LINGO2: variants seen among roughly 807,000 people sequenced by gnomAD.
LINGO2 encodes the protein leucine rich repeat and Ig domain containing 2.
Under a neutral mutation model 30.6 loss-of-function variants are expected in LINGO2, and 14 were observed. The ratio of observed to expected loss-of-function variants is 0.46; its 90% confidence interval spans 0.30 to 0.72. The LOEUF (loss-of-function observed/expected upper bound fraction) is 0.72. Ranked by LOEUF, LINGO2 falls within the 30% of genes least tolerant of loss-of-function variation. The pLI, the probability that LINGO2 is intolerant of heterozygous loss-of-function variation, is 0.07. For synonymous variants in LINGO2, 317 were observed against 288.5 expected (o/e 1.10, Z -1.00); for missense variants, 729 against 751.7 (o/e 0.97, Z 0.35).
At chr9:28,974,017 G>T in the LINGO2 span, among the ~76,000 whole-genome samples, 1 of 152,164 alleles carries the variant, frequency 6.6e-6, no homozygotes, top group Admixed American at 6.5e-5. Flanking sequence ...TGTAACTGTG[G>T]TGTGTAAACT....
chr9:28,827,207 T>C, the LINGO2 span, among the ~76,000 whole-genome samples: 1 of 152,196 alleles, frequency 6.6e-6, no homozygotes, highest in Non-Finnish European at 1.5e-5. Flanking sequence ...AAGAGTCATC[T>C]GTCCAGTTTC....
chr9:28,174,908 G>GTGTGTGTGTT lies in LINGO2; in HGVS notation c.-87+120299_-87+120300insAACACACACA, dbSNP rs1287488522. Among the ~76,000 whole-genome samples, 4 of 138,768 alleles carry GTGTGTGTGTT rather than the reference G, an allele frequency of 2.9e-5. 1 individual carries two copies. The highest frequency in any genetic ancestry group is 1.1e-4 in the African/African-American group (4 of 36,172). 91.0% of individuals were successfully genotyped at this position (138,768 alleles called of 152,430 possible). ...AGAGAATTTGTGTCTCTGTGTGTGT[G>GTGTGTGTGTT]TGTGTGTGTGTGTGAGAGAGAGAGA... On this transcript the variant is annotated intron_variant, in intron 4 of 5. Coordinates refer to ENST00000379992, the Ensembl canonical transcript of LINGO2.
the LINGO2 span, among the ~76,000 whole-genome samples, chr9:28,963,776 A>T: frequency 6.6e-6 from 1 of 151,864 alleles, no homozygotes; most frequent in African/African-American, 2.4e-5. Context: ...GGCTGGGAAG[A>T]GTGTGTGTAG....
chr9:29,059,300 C>A, the LINGO2 span, among the ~76,000 whole-genome samples: 1 of 151,322 alleles, frequency 6.6e-6, no homozygotes, highest in African/African-American at 2.4e-5. Flanking sequence ...ATAAAAAGAA[C>A]CCAACAGCAT....
the LINGO2 span, among the ~76,000 whole-genome samples, chr9:29,149,118 T>A: frequency 0.25 from 37,762 of 152,110 alleles, 4,888 homozygotes; most frequent in East Asian, 0.4. Flanking sequence ...ACAGTTCATT[T>A]AGTAAAGTTC....
intron 4 of LINGO2, among the ~76,000 whole-genome samples, chr9:28,037,900 TAC>T (rs1168227060): frequency 6.6e-6 from 1 of 152,232 alleles, no homozygotes; most frequent in Non-Finnish European, 1.5e-5. Context: ...GTAACTCATA[TAC>T]AGTGTCACCA....
intron 4 of LINGO2, among the ~76,000 whole-genome samples, chr9:28,193,303 T>G (rs1442153683): frequency 6.6e-6 from 1 of 152,162 alleles, no homozygotes; most frequent in Non-Finnish European, 1.5e-5. Context: ...CAAAGTAAGA[T>G]TCATTAGAAA....
At chr9:28,644,629 C>G (rs563051537) in intron 1 of LINGO2, among the ~76,000 whole-genome samples, 1 of 150,936 alleles carries the variant, frequency 6.6e-6, no homozygotes, top group East Asian at 1.9e-4. Context: ...TTTGATAGTG[C>G]AACAGGTGAC....
the LINGO2 span, among the ~76,000 whole-genome samples, chr9:28,974,080 TAC>T: frequency 3.3e-5 from 5 of 152,122 alleles, no homozygotes; most frequent in African/African-American, 4.8e-5. Context: ...AAATAGTAAC[TAC>T]AACAACTTTT....
intron 1 of LINGO2, among the ~76,000 whole-genome samples, chr9:28,566,894 A>G (rs1454560681): frequency 6.6e-6 from 1 of 152,196 alleles, no homozygotes; most frequent in Non-Finnish European, 1.5e-5. Flanking sequence ...ACTTAAAACA[A>G]AAAGTTGCTA....
chr9:29,061,862 G>A, the LINGO2 span, among the ~76,000 whole-genome samples: 1 of 151,942 alleles, frequency 6.6e-6, no homozygotes, highest in Non-Finnish European at 1.5e-5. Flanking sequence ...GTTTATTAAA[G>A]TATATTATCA....
intron 3 of LINGO2, among the ~76,000 whole-genome samples, chr9:28,296,453 G>A (rs968079170): frequency 6.6e-5 from 10 of 152,120 alleles, no homozygotes; most frequent in Admixed American, 2.0e-4. Context: ...GAATAACTAC[G>A]TTCTGAAGAT....
the LINGO2 span, among the ~76,000 whole-genome samples, chr9:28,969,595 C>G: frequency 6.6e-6 from 1 of 152,122 alleles, no homozygotes; most frequent in Admixed American, 6.6e-5. Flanking sequence ...AAAAACCAGT[C>G]AGGAAGTGGC....
chr9:28,515,243 G>T (rs35389915), intron 1 of LINGO2, among the ~76,000 whole-genome samples: 24,689 of 139,050 alleles, frequency 0.18, 2,320 homozygotes, highest in Middle Eastern at 0.22. Flanking sequence ...GTCTCGCTCT[G>T]TCGCTCAGGC....
intron 5 of LINGO2, among the ~76,000 whole-genome samples, chr9:27,983,177 C>G (rs1040084578): frequency 1.3e-5 from 2 of 151,676 alleles, no homozygotes; most frequent in African/African-American, 4.8e-5. Flanking sequence ...CAAATTTTAC[C>G]ACATCAAGTT....
the LINGO2 span, among the ~76,000 whole-genome samples, chr9:29,059,854 A>T: frequency 2.6e-5 from 4 of 152,054 alleles, no homozygotes; most frequent in African/African-American, 9.6e-5. Context: ...AAATTGATAA[A>T]TTGAACTTCC....
chr9:28,401,202 A>C (rs1822248895), intron 2 of LINGO2, among the ~76,000 whole-genome samples: 1 of 151,876 alleles, frequency 6.6e-6, no homozygotes, highest in Admixed American at 6.6e-5. Flanking sequence ...ATAAATGTGC[A>C]GACTGTACAG....
At chr9:27,955,206 GAAA>G (rs1240024720) in intron 5 of LINGO2, among the ~76,000 whole-genome samples, 1 of 152,148 alleles carries the variant, frequency 6.6e-6, no homozygotes, top group Non-Finnish European at 1.5e-5. Flanking sequence ...ATAATTCATA[GAAA>G]ATTATAATTT....
chr9:28,335,685 A>G (rs1811664983), intron 3 of LINGO2, among the ~76,000 whole-genome samples: 1 of 152,180 alleles, frequency 6.6e-6, no homozygotes, highest in South Asian at 2.1e-4. Context: ...GAAAAATGTT[A>G]AAAAGTAGTA....
Sources: allele counts gnomAD v4.1 joint callset (sites outside exome capture counted in the v4.1 genomes callset), GRCh38; gene constraint gnomAD v4.1.1; transcripts MANE v1.5; gene names NCBI Gene and HGNC (gene_info 2026-07-23, HGNC 2026-07-21).